Variants in NRG3 observed in about 807,000 individuals in gnomAD.
NRG3 encodes pro-neuregulin-3, membrane-bound isoform.
In NRG3, 31 loss-of-function variants were observed where a neutral mutation model predicts 66.9. The observed-to-expected ratio is 0.46, with a 90% CI of 0.35 to 0.63. The LOEUF (loss-of-function observed/expected upper bound fraction) is 0.63, where lower values mean the gene tolerates loss of function less well. NRG3 is among the 20% of genes least tolerant of loss of function. The pLI, the probability that NRG3 is intolerant of heterozygous loss-of-function variation, is 0.00. For synonymous variants in NRG3, 393 were observed against 359.4 expected, an observed-to-expected ratio of 1.09 and a Z score of -1.06; for missense variants, 910 against 878.9, an observed-to-expected ratio of 1.04 and a Z score of -0.45.
intron 4 of NRG3, among the ~76,000 whole-genome samples, chr10:82,884,384 T>G (rs1362918851): frequency 1.3e-5 from 2 of 152,224 alleles, no homozygotes; most frequent in East Asian, 3.8e-4. Context: ...ACAGATATTT[T>G]TGCATATTGA....
chr10:82,321,301 T>TC (rs1554884193), intron 1 of NRG3, among the ~76,000 whole-genome samples: 2,149 of 137,954 alleles, frequency 0.016, 75 homozygotes, highest in African/African-American at 0.057. Context: ...GTGGCAGGGG[T>TC]GGGGGTGGGG....
At chr10:82,745,923 G>T (rs1424284375) in intron 3 of NRG3, among the ~76,000 whole-genome samples, 1 of 152,060 alleles carries the variant, frequency 6.6e-6, no homozygotes, top group Non-Finnish European at 1.5e-5. Flanking sequence ...GCAGGGTCTT[G>T]CTCTGTCACC....
chr10:82,289,653 A>G (rs12244925), intron 1 of NRG3, among the ~76,000 whole-genome samples: 37,642 of 151,994 alleles, frequency 0.25, 4,843 homozygotes, highest in Admixed American at 0.28. Context: ...TTTGTCACGA[A>G]GTTTTGTATA....
chr10:82,236,705 T>C (rs996214395), intron 1 of NRG3, among the ~76,000 whole-genome samples: 16 of 139,038 alleles, frequency 1.2e-4, no homozygotes, highest in African/African-American at 3.9e-4. Flanking sequence ...ATATGAAAAC[T>C]AGAACTTTTT....
chr10:82,741,469 A>C (rs772308519), intron 3 of NRG3, among the ~76,000 whole-genome samples: 2 of 152,208 alleles, frequency 1.3e-5, no homozygotes, highest in Non-Finnish European at 2.9e-5. Flanking sequence ...AGATGGACAG[A>C]GTCAATGCCA....
chr10:82,007,211 C>CTTTTTT (rs34146080), intron 1 of NRG3, among the ~76,000 whole-genome samples: 6 of 130,516 alleles, frequency 4.6e-5, no homozygotes, highest in Admixed American at 8.3e-5. Flanking sequence ...TTTTTCTTTT[C>CTTTTTT]TTTTTTTTTT....
intron 3 of NRG3, among the ~76,000 whole-genome samples, chr10:82,777,041 T>A (rs1016373328): frequency 8.5e-5 from 13 of 152,190 alleles, no homozygotes; most frequent in African/African-American, 3.1e-4. Flanking sequence ...GAACAGTAAC[T>A]ACTTTTAATT....
chr10:82,067,709 C>G (rs2064565603), intron 1 of NRG3, among the ~76,000 whole-genome samples: 1 of 152,144 alleles, frequency 6.6e-6, no homozygotes, highest in Non-Finnish European at 1.5e-5. Flanking sequence ...CAGAGAGGAA[C>G]CACCAAATCA....
intron 3 of NRG3, among the ~76,000 whole-genome samples, chr10:82,761,968 CTTTCT>C (rs1280308088): frequency 9.8e-6 from 1 of 101,898 alleles, no homozygotes; most frequent in Non-Finnish European, 2.1e-5. Flanking sequence ...TTCTTTCTTT[CTTTCT>C]TTTCTTTCTT....
chr10:82,500,839 C>T lies in NRG3; in HGVS notation c.953+141971C>T, dbSNP rs73307860. Reference sequence around the variant, plus strand: ...AACCTGTGGAAAAACATGAGAGTGTCCTAAACTCGGGTATCAACAATAAGC... The same window carrying T: ...AACCTGTGGAAAAACATGAGAGTGTTCTAAACTCGGGTATCAACAATAAGC... On this transcript the variant is annotated intron_variant, in intron 2 of 8. Transcript: ENST00000372141. 4.3e-3 allele frequency among the ~76,000 whole-genome samples: 652 copies of T among 152,102 alleles called. 5 individuals carry two copies. The highest frequency in any genetic ancestry group is 0.015 in the African/African-American group (624 of 41,458).
At chr10:82,602,543 C>A (rs934908148) in intron 2 of NRG3, among the ~76,000 whole-genome samples, 3 of 152,146 alleles carry the variant, frequency 2.0e-5, no homozygotes, top group Admixed American at 2.0e-4. Context: ...GACCTAGACT[C>A]CACCACTTCC....
intron 2 of NRG3, among the ~76,000 whole-genome samples, chr10:82,714,533 T>C (rs1364052185): frequency 6.6e-6 from 1 of 152,210 alleles, no homozygotes; most frequent in East Asian, 1.9e-4. Flanking sequence ...AATATTTATC[T>C]TCTATAAACT....
At chr10:82,083,999 G>C (rs779744077) in intron 1 of NRG3, among the ~76,000 whole-genome samples, 1 of 151,426 alleles carries the variant, frequency 6.6e-6, no homozygotes, top group Admixed American at 6.6e-5. Flanking sequence ...AGGCTGAGGC[G>C]GGCGGATTAT....
chr10:82,180,733 G>T (rs1212085763), intron 1 of NRG3, among the ~76,000 whole-genome samples: 2 of 151,800 alleles, frequency 1.3e-5, no homozygotes, highest in East Asian at 3.9e-4. Context: ...TCTGCCTTTG[G>T]CTTCAGGGTA....
chr10:82,926,519 A>T (rs1165194818), intron 4 of NRG3, among the ~76,000 whole-genome samples: 1 of 152,248 alleles, frequency 6.6e-6, no homozygotes, highest in East Asian at 1.9e-4. Flanking sequence ...TCCAAGAAGT[A>T]TCTATCACAT....
chr10:82,116,907 C>T (rs1222103477), intron 1 of NRG3, among the ~76,000 whole-genome samples: 1 of 152,100 alleles, frequency 6.6e-6, no homozygotes, highest in Non-Finnish European at 1.5e-5. Flanking sequence ...TGGAGCTTTG[C>T]TTTCATTATA....
At chr10:82,253,648 C>A (rs1299952214) in intron 1 of NRG3, among the ~76,000 whole-genome samples, 1 of 152,176 alleles carries the variant, frequency 6.6e-6, no homozygotes, top group Admixed American at 6.5e-5. Context: ...TTCAGTCTTG[C>A]CACTTTGCCT....
chr10:82,248,512 G>T (rs996372347), intron 1 of NRG3, among the ~76,000 whole-genome samples: 4 of 152,152 alleles, frequency 2.6e-5, no homozygotes, highest in Non-Finnish European at 2.9e-5. Flanking sequence ...TCCATGCTGG[G>T]TGACCATCTG....
chr10:82,149,538 G>GA (rs1329925762), intron 1 of NRG3, among the ~76,000 whole-genome samples: 1 of 152,030 alleles, frequency 6.6e-6, no homozygotes, highest in African/African-American at 2.4e-5. Flanking sequence ...CTTGGATGTA[G>GA]AAAAATCAAT....
Sources: allele counts gnomAD v4.1 joint callset (sites outside exome capture counted in the v4.1 genomes callset), GRCh38; gene constraint gnomAD v4.1.1; transcripts MANE v1.5; gene names NCBI Gene and HGNC (gene_info 2026-07-23, HGNC 2026-07-21).